The following PPP1R12B variants were observed in gnomAD, a reference collection of about 807,000 sequenced individuals.
PPP1R12B encodes the protein myosin phosphatase target subunit 2.
PPP1R12B carries 76 observed loss-of-function variants against 126.1 expected under a neutral mutation model. The ratio of observed to expected loss-of-function variants is 0.60; its 90% CI spans 0.50 to 0.73. The LOEUF is 0.73. Among genes scored for constraint, PPP1R12B ranks in the 30% least tolerant of loss-of-function variants. The pLI is 0.00. For missense variants in PPP1R12B, 1,052 were observed against 1,205.1 expected, an observed-to-expected ratio of 0.87 and a Z score of 1.88; for synonymous variants, 356 against 434.7, an observed-to-expected ratio of 0.82 and a Z score of 2.25.
intron 1 of PPP1R12B, among the ~76,000 whole-genome samples, chr1:202,350,625 CTTT>C (rs777909235): frequency 2.8e-5 from 4 of 143,744 alleles, no homozygotes. Context: ...TTTTCTTTTT[CTTT>C]TTTTTTTTTT....
rs1211513521 is a variant in PPP1R12B at position 202,392,793 on chromosome 1, G to T, written c.292-23994G>T. The stretch of plus-strand genomic sequence containing the variant: ...CCACCTGCCTAAGCCTCCCATAAGT[G>T]CTGGGATTACAGGCATGAGCCACCG... On this transcript the variant is annotated intron_variant, in intron 1 of 23. Transcript: ENST00000608999. Among the ~76,000 whole-genome samples, 3 of 151,974 alleles carry T rather than the reference G, an allele frequency of 2.0e-5. No individual in the cohort carries two copies. The East Asian group carries it at 5.8e-4, about 29-fold the overall frequency.
rs370901919 is a variant in PPP1R12B at position 202,586,042 on chromosome 1, C to G, written c.*5482C>G. ...CTTACAGCAGCAAGAAAATTTTCCTCGACAAGAACCTCAATCTTTAGTTCC... is the reference window on the plus strand; with the variant it reads ...CTTACAGCAGCAAGAAAATTTTCCTGGACAAGAACCTCAATCTTTAGTTCC... On this transcript the variant is annotated 3_prime_UTR_variant, in exon 24 of 24. Transcript: ENST00000608999. The G allele has an allele frequency of 6.6e-6, 1 of 152,194 alleles. No homozygotes were observed. Among genetic ancestry groups the G allele is most frequent in the Non-Finnish European group, 1.5e-5 (1 of 68,034 alleles). The allele number at this position is 152,194 out of a possible 1,614,324, so 9.4% of individuals were successfully genotyped here.
intron 18 of PPP1R12B, among the ~76,000 whole-genome samples, chr1:202,546,599 G>A (rs531540655): frequency 6.6e-6 from 1 of 151,822 alleles, no homozygotes; most frequent in South Asian, 2.1e-4. Flanking sequence ...ATGAGACTCT[G>A]TCTCAAAAAG....
intron 12 of PPP1R12B, among the ~76,000 whole-genome samples, chr1:202,445,556 T>C (rs1672120942): frequency 6.6e-6 from 1 of 152,254 alleles, no homozygotes. Flanking sequence ...GAAAACATTT[T>C]CATATTTTAC....
chr1:202,529,533 T>C (rs1683713342), intron 18 of PPP1R12B, among the ~76,000 whole-genome samples: 2 of 152,192 alleles, frequency 1.3e-5, no homozygotes, highest in Admixed American at 1.3e-4. Flanking sequence ...TCTTAACACC[T>C]GATGGACCAT....
chr1:202,360,584 C>CT (rs1657982512), intron 1 of PPP1R12B, among the ~76,000 whole-genome samples: 2 of 151,834 alleles, frequency 1.3e-5, no homozygotes, highest in Admixed American at 1.3e-4. Context: ...TGGTGGACAC[C>CT]TGTAATCCCA....
At chr1:202,540,137 A>G in intron 18 of PPP1R12B, 1 of 1,605,502 alleles carries the variant, frequency 6.2e-7, no homozygotes. Context: ...ATCCTGAGGA[A>G]CCATGTCCTC....
At chr1:202,514,942 C>T (rs1681938331) in intron 18 of PPP1R12B, among the ~76,000 whole-genome samples, 3 of 152,166 alleles carry the variant, frequency 2.0e-5, no homozygotes, top group Admixed American at 2.0e-4. Flanking sequence ...TACATATACA[C>T]CATAGAATAC....
chr1:202,371,797 CA>C (rs1660311938), intron 1 of PPP1R12B, among the ~76,000 whole-genome samples: 1 of 149,748 alleles, frequency 6.7e-6, no homozygotes, highest in Non-Finnish European at 1.5e-5. Context: ...GTGCGTTATT[CA>C]AAAGAAGTTT....
Position 202,587,298 on chromosome 1 carries a change from G to T in PPP1R12B, c.*6738G>T, listed in dbSNP as rs989109957. 2.0e-5 allele frequency: 3 copies of T among 152,082 alleles called. No individual in the cohort carries two copies. The highest frequency in any genetic ancestry group is 7.3e-5 in the African/African-American group (3 of 41,374). 9.4% of individuals were successfully genotyped at this position (152,082 alleles called of 1,614,324 possible). A position where few individuals can be genotyped will look rare whatever the true frequency, so the allele number is the denominator to read the frequency against. On this transcript the variant is annotated 3_prime_UTR_variant, in exon 24 of 24. Transcript: ENST00000608999. ...GGAGCCGAGGGTGCTTTAGAGAGGTGGTTTTCCATGAATCAGCCAAGATTC... is the reference window on the plus strand; with the variant it reads ...GGAGCCGAGGGTGCTTTAGAGAGGTTGTTTTCCATGAATCAGCCAAGATTC...
chr1:202,352,179 C>A (rs1326905459), intron 1 of PPP1R12B, among the ~76,000 whole-genome samples: 2 of 152,156 alleles, frequency 1.3e-5, no homozygotes, highest in African/African-American at 4.8e-5. Flanking sequence ...AAAGGAATTT[C>A]TGTTTCATTT....
intron 18 of PPP1R12B, among the ~76,000 whole-genome samples, chr1:202,531,830 G>T (rs1683981149): frequency 6.6e-6 from 1 of 152,098 alleles, no homozygotes; most frequent in Admixed American, 6.6e-5. Context: ...ATCTCCTTTG[G>T]GCCTTAAAGG....
At chr1:202,363,183 G>A (rs530377455) in intron 1 of PPP1R12B, among the ~76,000 whole-genome samples, 1 of 152,070 alleles carries the variant, frequency 6.6e-6, no homozygotes, top group Non-Finnish European at 1.5e-5. Flanking sequence ...AATTTTGGGG[G>A]GCACATTTGT....
intron 1 of PPP1R12B, among the ~76,000 whole-genome samples, chr1:202,410,424 G>A (rs1667239787): frequency 6.6e-6 from 1 of 152,276 alleles, no homozygotes; most frequent in South Asian, 2.1e-4. Flanking sequence ...GGGGAAGAGA[G>A]TTGTTCTGAG....
intron 1 of PPP1R12B, among the ~76,000 whole-genome samples, chr1:202,365,907 C>A (rs964237871): frequency 6.6e-6 from 1 of 151,932 alleles, no homozygotes; most frequent in Non-Finnish European, 1.5e-5. Flanking sequence ...GGAGGATTAC[C>A]TGAGCCTGGG....
At chr1:202,511,221 A>G (rs1469833436) in intron 18 of PPP1R12B, among the ~76,000 whole-genome samples, 3 of 149,620 alleles carry the variant, frequency 2.0e-5, no homozygotes, top group Admixed American at 6.7e-5. Flanking sequence ...CCCACTATGT[A>G]GTTTTTTTTT....
At chr1:202,542,752 T>C (rs1274934112) in intron 18 of PPP1R12B, among the ~76,000 whole-genome samples, 3 of 152,164 alleles carry the variant, frequency 2.0e-5, no homozygotes, top group African/African-American at 7.2e-5. Context: ...TTCAGGGTCT[T>C]TGTATTTCTC....
chr1:202,519,940 G>A (rs2148912971), intron 18 of PPP1R12B, among the ~76,000 whole-genome samples: 1 of 152,278 alleles, frequency 6.6e-6, no homozygotes, highest in Non-Finnish European at 1.5e-5. Context: ...TAGATTGTGT[G>A]TACACCCACA....
chr1:202,558,718 T>G, intron 18 of PPP1R12B, 159 bp from the exon 19 acceptor site: 1 of 557,628 alleles, frequency 1.8e-6, no homozygotes. Context: ...TCAATTTGAT[T>G]GCTTTTCTTA....
Sources: allele counts gnomAD v4.1 joint callset (sites outside exome capture counted in the v4.1 genomes callset), GRCh38; gene constraint gnomAD v4.1.1; transcripts MANE v1.5; gene names NCBI Gene and HGNC (gene_info 2026-07-23, HGNC 2026-07-21).